WASF3: variants seen among roughly 807,000 people sequenced by gnomAD.
The protein encoded by WASF3 is actin-binding protein WASF3.
A neutral mutation model predicts 46.6 loss-of-function variants in WASF3; 11 were observed. The observed-to-expected ratio is 0.24, with a 90% CI of 0.15 to 0.39. The LOEUF (loss-of-function observed/expected upper bound fraction) is 0.39. WASF3 is among the 10% of genes least tolerant of loss of function. The pLI is 1.00. For synonymous variants in WASF3, 242 were observed against 259.7 expected (o/e 0.93, Z 0.65); for missense variants, 576 against 669.8 (o/e 0.86, Z 1.55).
intron 2 of WASF3, among the ~76,000 whole-genome samples, chr13:26,615,671 A>T (rs1328343809): frequency 6.6e-6 from 1 of 152,184 alleles, no homozygotes; most frequent in Non-Finnish European, 1.5e-5. Context: ...ATGCTTATTT[A>T]AAATGTATAA....
intron 2 of WASF3, among the ~76,000 whole-genome samples, chr13:26,624,717 T>G (rs1881413283): frequency 1.3e-5 from 2 of 151,842 alleles, no homozygotes. Context: ...AAGGGGAAAG[T>G]CTTGCAGGCA....
At chr13:26,629,964 G>A (rs966785667) in intron 2 of WASF3, among the ~76,000 whole-genome samples, 1 of 151,800 alleles carries the variant, frequency 6.6e-6, no homozygotes. Flanking sequence ...ACTCCATATT[G>A]TCCTGTTTTC....
chr13:26,569,786 TATCA>T (rs1244690475), intron 1 of WASF3, among the ~76,000 whole-genome samples: 3 of 152,148 alleles, frequency 2.0e-5, no homozygotes, highest in Non-Finnish European at 2.9e-5. Context: ...AGATTGATGA[TATCA>T]ATCAATTTGG....
At chr13:26,543,493 G>C in the WASF3 span, among the ~76,000 whole-genome samples, 1 of 152,172 alleles carries the variant, frequency 6.6e-6, no homozygotes, top group Admixed American at 6.5e-5. Flanking sequence ...TACTGGGGAT[G>C]AGGTGGAGAG....
intron 9 of WASF3, among the ~76,000 whole-genome samples, chr13:26,684,534 T>G (rs776509868): frequency 6.6e-5 from 10 of 152,248 alleles, no homozygotes; most frequent in Non-Finnish European, 1.2e-4. Flanking sequence ...CTTTTCCATT[T>G]GCAATTAGAT....
At chr13:26,545,840 G>A in the WASF3 span, among the ~76,000 whole-genome samples, 1 of 152,168 alleles carries the variant, frequency 6.6e-6, no homozygotes, top group Non-Finnish European at 1.5e-5. Flanking sequence ...CTGACCCCAA[G>A]ATATCCTCCT....
rs73168021 is a variant in WASF3 at position 26,627,497 on chromosome 13, C to T, written c.-11+14439C>T. Among the ~76,000 whole-genome samples the T allele has an allele frequency of 5.5e-3, 835 of 152,124 alleles. 3 individuals are homozygous for T. Among genetic ancestry groups the T allele is most frequent in the Middle Eastern group, 0.014 (4 of 294 alleles). On this transcript the variant is annotated intron_variant, in intron 2 of 9. Coordinates refer to ENST00000335327, the MANE Select transcript of WASF3 (RefSeq NM_006646.6). ...TCTTTGTTTTGGTTTTTCACCTATA[C>T]CTAGTCAAAGTTTATATGTGTCACT...
At position 26,608,226 on chromosome 13, in the gene WASF3, G is replaced by A. The variant is rs181281422; in HGVS notation, c.-108-4735G>A. Among the ~76,000 whole-genome samples, 18 of 152,158 alleles carry A rather than the reference G, an allele frequency of 1.2e-4. No homozygotes were observed. The East Asian group carries it at 3.3e-3, about 28-fold the overall frequency. On this transcript the variant is annotated intron_variant, in intron 1 of 9. Coordinates refer to ENST00000335327, the MANE Select transcript of WASF3 (RefSeq NM_006646.6). ...ATCAGGCATGGGTTCCTTTTTCTTT[G>A]TATTTTACTAGGCAGTTATTCATTA...
Position 26,634,739 on chromosome 13 carries a change from C to T in WASF3, c.-10-7522C>T, listed in dbSNP as rs544322121. Among the ~76,000 whole-genome samples, 17 of 152,282 alleles carry T rather than the reference C, an allele frequency of 1.1e-4. No individual in the cohort carries two copies. The South Asian group carries it at 3.3e-3, about 30-fold the overall frequency. On this transcript the variant is annotated intron_variant, in intron 2 of 9. Coordinates refer to ENST00000335327, the MANE Select transcript of WASF3 (RefSeq NM_006646.6). ...TGTGAAGGATTTTATTTCTCCTTCA[C>T]TTATGAAGCTTAGTTTGGCTGGATA...
chr13:26,594,585 A>G (rs17071981), intron 1 of WASF3, among the ~76,000 whole-genome samples: 236 of 152,262 alleles, frequency 1.5e-3, no homozygotes, highest in African/African-American at 5.6e-3. Context: ...TAGCTCCTGT[A>G]TCACTTTCCC....
upstream of WASF3, among the ~76,000 whole-genome samples, chr13:26,556,844 T>C (rs1879108069): frequency 6.6e-6 from 1 of 152,224 alleles, no homozygotes; most frequent in Non-Finnish European, 1.5e-5. Flanking sequence ...ATCCTATTGG[T>C]AAATAAAAAG....
intron 2 of WASF3, among the ~76,000 whole-genome samples, chr13:26,621,165 A>C (rs147326532): frequency 2.6e-4 from 40 of 152,216 alleles, no homozygotes; most frequent in African/African-American, 7.9e-4. Flanking sequence ...CAGGAATGAG[A>C]CATACCTTTA....
Position 26,621,463 on chromosome 13 carries a change from C to A in WASF3, c.-11+8405C>A, listed in dbSNP as rs1207071814. ...CTGCAGGAGAAGAAACTGAGGCCCA[C>A]CCTGATGAAGAAACTGAGGCCCACC... On this transcript the variant is annotated intron_variant, in intron 2 of 9. Coordinates refer to ENST00000335327, the MANE Select transcript of WASF3 (RefSeq NM_006646.6). Among the ~76,000 whole-genome samples, 3 of 151,646 alleles carry A rather than the reference C, an allele frequency of 2.0e-5. No individual in the cohort carries two copies. In the East Asian group the frequency reaches 5.8e-4, roughly 29 times the overall value.
the WASF3 span, among the ~76,000 whole-genome samples, chr13:26,547,899 G>A: frequency 2.6e-4 from 40 of 152,236 alleles, no homozygotes; most frequent in African/African-American, 9.1e-4. Context: ...GGGCCTGTTG[G>A]GTGAGTTAAT....
At chr13:26,628,344 C>T (rs1337549188) in intron 2 of WASF3, among the ~76,000 whole-genome samples, 1 of 152,156 alleles carries the variant, frequency 6.6e-6, no homozygotes, top group Non-Finnish European at 1.5e-5. Flanking sequence ...CAGAGAACAA[C>T]CCCCTACCCC....
upstream of WASF3, among the ~76,000 whole-genome samples, chr13:26,557,309 C>CAGG (rs1259915641): frequency 6.6e-6 from 1 of 152,178 alleles, no homozygotes; most frequent in Non-Finnish European, 1.5e-5. Context: ...GACCTCTGTG[C>CAGG]AGGAGCCCTC....
intron 3 of WASF3, among the ~76,000 whole-genome samples, chr13:26,663,879 C>A (rs1004753728): frequency 6.6e-6 from 1 of 152,136 alleles, no homozygotes; most frequent in African/African-American, 2.4e-5. Flanking sequence ...ATTTTTGTTT[C>A]ATCTATTTCT....
At chr13:26,610,214 G>A (rs1031736056) in intron 1 of WASF3, among the ~76,000 whole-genome samples, 3 of 152,110 alleles carry the variant, frequency 2.0e-5, no homozygotes, top group African/African-American at 7.2e-5. Context: ...ATCCTCCCTT[G>A]TCTTAGTTTA....
chr13:26,681,708 G>T (rs1593188723), intron 8 of WASF3, among the ~76,000 whole-genome samples: 1 of 152,210 alleles, frequency 6.6e-6, no homozygotes, highest in African/African-American at 2.4e-5. Flanking sequence ...ACCACACCAT[G>T]CAGCTCCTGT....
Sources: allele counts gnomAD v4.1 joint callset (sites outside exome capture counted in the v4.1 genomes callset), GRCh38; gene constraint gnomAD v4.1.1; transcripts MANE v1.5; gene names NCBI Gene and HGNC (gene_info 2026-07-23, HGNC 2026-07-21).